The following MRPS27 variants were observed in gnomAD, a reference collection of about 807,000 sequenced individuals.
MRPS27 encodes mitochondrial ribosomal protein S27.
A neutral mutation model predicts 48.9 loss-of-function variants in MRPS27; 43 were observed. The ratio of observed to expected loss-of-function variants is 0.88; its 90% confidence interval spans 0.69 to 1.13. MRPS27 has a LOEUF of 1.13. Ranked by LOEUF, MRPS27 falls within the 50% of genes most tolerant of loss-of-function variation. MRPS27 has a pLI of 0.00. For missense variants in MRPS27, 467 were observed against 476.3 expected (o/e 0.98, Z 0.18); for synonymous variants, 188 against 171.9 (o/e 1.09, Z -0.73).
In MRPS27 at chr5:72,226,209, A is replaced by G. The variant is rs757795212; in HGVS notation, c.695-10T>C. 3 of 1,613,328 alleles carry G rather than the reference A, an allele frequency of 1.9e-6. No individual in the cohort carries two copies. The highest frequency in any genetic ancestry group is 3.3e-5 in the Admixed American group (2 of 59,966). On this transcript the variant is annotated splice_polypyrimidine_tract_variant and intron_variant, in intron 8 of 10. Transcript: ENST00000261413. Reference sequence around the variant, plus strand: ...TGCAACTCCACCTTCCCTGTGGCCAAAAAGAACAATAAAGAATGCTCAGCC... The same window carrying G: ...TGCAACTCCACCTTCCCTGTGGCCAGAAAGAACAATAAAGAATGCTCAGCC...
intron 4 of MRPS27, among the ~76,000 whole-genome samples, chr5:72,256,653 A>G (rs1357665425): frequency 6.6e-6 from 1 of 152,244 alleles, no homozygotes; most frequent in Non-Finnish European, 1.5e-5. Flanking sequence ...GGTGAGGCAG[A>G]CAGGAAGCAG....
chr5:72,228,318 T>C lies in MRPS27; in HGVS notation c.642A>G (p.Lys214=). Residue 214 remains lysine (K), a synonymous_variant, in exon 8 of 11, where the codon AAA becomes AAG. Transcript: ENST00000261413. ...FGASLLLPGL[K]QKNSVGFSSQ... is the part of the protein sequence containing the mutation. ...AACTGAAACCCACTGAGTTCTTTTG[T>C]TTTAGGCCTGGAAGCAAAAGGGATG... The C allele has an allele frequency of 6.2e-7, 1 of 1,613,682 alleles. No homozygotes were observed. The highest frequency in any genetic ancestry group is 8.5e-7 in the Non-Finnish European group (1 of 1,179,726).
At chr5:72,268,323 A>C (rs1259429473) in intron 4 of MRPS27, among the ~76,000 whole-genome samples, 1 of 152,228 alleles carries the variant, frequency 6.6e-6, no homozygotes, top group African/African-American at 2.4e-5. Flanking sequence ...GACTTCTACA[A>C]ACAAGTAAAA....
At chr5:72,275,313 C>T (rs1053590726) in intron 4 of MRPS27, among the ~76,000 whole-genome samples, 1 of 152,088 alleles carries the variant, frequency 6.6e-6, no homozygotes, top group Non-Finnish European at 1.5e-5. Context: ...CCTAGGAATA[C>T]ACTAACAAGC....
At position 72,283,817 on chromosome 5, in the gene MRPS27, CT is replaced by C. The variant is rs140811498; in HGVS notation, c.281+11713del. On this transcript the variant is annotated intron_variant, in intron 4 of 10. Coordinates refer to ENST00000261413, the MANE Select transcript of MRPS27 (RefSeq NM_015084.3). ...CAATACTTCTATCATGTACAAGCCA[CT>C]TTCCCACTGAGGTTCAATTTTCAGT... is the stretch of plus-strand genomic sequence containing the variant. Among the ~76,000 whole-genome samples the C allele has an allele frequency of 6.4e-3, 970 of 152,146 alleles. 12 individuals are homozygous for C. The highest frequency in any genetic ancestry group is 0.022 in the African/African-American group (923 of 41,536).
chr5:72,295,639 A>AT (rs1489171456), intron 3 of MRPS27, 50 bp from the exon 4 acceptor site: 1 of 1,469,316 alleles, frequency 6.8e-7, no homozygotes, highest in East Asian at 2.3e-5. Context: ...TATGTCATAT[A>AT]TTTGGCCTAG....
chr5:72,284,858 A>G (rs375396340), intron 4 of MRPS27, among the ~76,000 whole-genome samples: 4 of 152,216 alleles, frequency 2.6e-5, no homozygotes, highest in South Asian at 2.1e-4. Context: ...ATCACTGCAC[A>G]GTATTCCACT....
intron 4 of MRPS27, among the ~76,000 whole-genome samples, chr5:72,248,553 A>C (rs929238844): frequency 2.2e-4 from 34 of 152,048 alleles, no homozygotes; most frequent in African/African-American, 7.2e-4. Flanking sequence ...AATGTGACTC[A>C]GGCAGCTTTC....
intron 4 of MRPS27, chr5:72,294,759 C>T (rs1283917986): frequency 6.6e-6 from 1 of 150,660 alleles, no homozygotes; most frequent in East Asian, 1.9e-4. Flanking sequence ...AAAATAGGTA[C>T]ATAACAGTTC....
chr5:72,234,219 C>G, intron 5 of MRPS27, 22 bp from the exon 6 acceptor site: 3 of 1,447,276 alleles, frequency 2.1e-6, no homozygotes, highest in African/African-American at 1.5e-5. Flanking sequence ...ATGAACATAA[C>G]AGGAAAAAAA....
chr5:72,269,767 A>G (rs1237344809), intron 4 of MRPS27, among the ~76,000 whole-genome samples: 1 of 152,248 alleles, frequency 6.6e-6, no homozygotes, highest in African/African-American at 2.4e-5. Flanking sequence ...CTCCAGATGA[A>G]TATCTAGGTG....
intron 4 of MRPS27, among the ~76,000 whole-genome samples, chr5:72,289,426 CTTTT>C (rs113119081): frequency 6.8e-6 from 1 of 146,290 alleles, no homozygotes; most frequent in African/African-American, 2.5e-5. Flanking sequence ...ATGCTATATT[CTTTT>C]TTTTTTTTGA....
chr5:72,229,448 T>C (rs1414272564), intron 7 of MRPS27: 1 of 151,862 alleles, frequency 6.6e-6, no homozygotes, highest in African/African-American at 2.4e-5. Flanking sequence ...GCAGCACAGG[T>C]AAATAAAAGA....
chr5:72,309,292 G>A (rs1484434699), intron 2 of MRPS27, among the ~76,000 whole-genome samples: 1 of 151,574 alleles, frequency 6.6e-6, no homozygotes, highest in East Asian at 1.9e-4. Flanking sequence ...TTGAGACAGA[G>A]TCAGCTCTGT....
At chr5:72,233,149 T>A (rs1049773985) in intron 6 of MRPS27, among the ~76,000 whole-genome samples, 5 of 152,136 alleles carry the variant, frequency 3.3e-5, no homozygotes, top group Admixed American at 6.5e-5. Flanking sequence ...AAATAATGAC[T>A]ATAAAAAGGA....
At chr5:72,319,414 G>A (rs1378589115) in intron 1 of MRPS27, among the ~76,000 whole-genome samples, 1 of 151,958 alleles carries the variant, frequency 6.6e-6, no homozygotes, top group Non-Finnish European at 1.5e-5. Context: ...ATTCTTCCAC[G>A]AAGACCAGGG....
chr5:72,293,866 C>T (rs1749905693), intron 4 of MRPS27, among the ~76,000 whole-genome samples: 2 of 152,126 alleles, frequency 1.3e-5, no homozygotes, highest in Non-Finnish European at 2.9e-5. Flanking sequence ...TGAGAACTGG[C>T]CAGATGCCAG....
At chr5:72,234,242 T>G (rs979675022) in intron 5 of MRPS27, 45 bp from the exon 6 acceptor site, 1 of 1,367,032 alleles carries the variant, frequency 7.3e-7, no homozygotes, top group African/African-American at 1.5e-5. Context: ...GAAAATTATC[T>G]AATTTAGTCT....
At chr5:72,261,148 C>T (rs562276980) in intron 4 of MRPS27, among the ~76,000 whole-genome samples, 1 of 152,212 alleles carries the variant, frequency 6.6e-6, no homozygotes, top group Non-Finnish European at 1.5e-5. Flanking sequence ...CAGGTGTGAG[C>T]CACTGCAACT....
Sources: gnomAD v4.1 joint callset for allele counts (sites outside exome capture counted in the v4.1 genomes callset) on GRCh38, gnomAD v4.1.1 for gene constraint, MANE v1.5 for transcripts, NCBI Gene and HGNC (gene_info 2026-07-23, HGNC 2026-07-21) for gene names.